SLITRK3: variants seen among roughly 807,000 people sequenced by gnomAD.
SLITRK3 encodes the protein SLIT and NTRK like family member 3, also known as SLIT and NTRK-like protein 3.
SLITRK3 carries 16 observed loss-of-function variants against 63.6 expected under a neutral mutation model. The ratio of observed to expected loss-of-function variants is 0.25; its 90% CI spans 0.17 to 0.38. The LOEUF is 0.38. Ranked by LOEUF, SLITRK3 falls within the 10% of genes least tolerant of loss-of-function variation. The pLI is 1.00. For missense variants in SLITRK3, 1,117 were observed against 1,181.4 expected (o/e 0.95, Z 0.80); for synonymous variants, 547 against 451.6 (o/e 1.21, Z -2.68).
Position 165,195,598 on chromosome 3 carries a change from A to G in SLITRK3, c.-40T>C, listed in dbSNP as rs946738633. ...CGAGTACCTATGGTGCAGAGCGCTC[A>G]GGATCTCCGAGGTTTGCTGCGAGGG... On this transcript the variant is annotated 5_prime_UTR_variant, in exon 1 of 2. Coordinates refer to ENST00000475390, the MANE Select transcript of SLITRK3 (RefSeq NM_001318810.2). 1 of 152,388 alleles carries G rather than the reference A, an allele frequency of 6.6e-6. No individual in the cohort carries two copies. The highest frequency in any genetic ancestry group is 6.5e-5 in the Admixed American group (1 of 15,292). 9.4% of individuals were successfully genotyped at this position (152,388 alleles called of 1,614,324 possible). A position where few individuals can be genotyped will look rare whatever the true frequency, so the allele number is the denominator to read the frequency against.
chr3:165,192,740 C>T (rs972141044), intron 1 of SLITRK3, among the ~76,000 whole-genome samples: 3 of 150,634 alleles, frequency 2.0e-5, no homozygotes, highest in Admixed American at 6.6e-5. Context: ...ATGCAATGGG[C>T]TCTTCAATGG....
At position 165,189,628 on chromosome 3, in the gene SLITRK3, A is replaced by G. The variant is rs1362124435; in HGVS notation, c.1203T>C (p.Ser401=). 6.2e-7 allele frequency: 1 copy of G among 1,614,124 alleles called. No individual in the cohort carries two copies. The highest frequency in any genetic ancestry group is 2.2e-5 in the East Asian group (1 of 44,888). The part of the protein sequence containing the change: ...NCKERGFNNI[S]ELLPRPLNAK... The stretch of plus-strand genomic sequence containing the variant: ...CATTCAAGGGCCTTGGAAGAAGTTC[A>G]GAAATGTTATTAAATCCTCGCTCTT... Residue 401 remains serine (S), a synonymous_variant, in exon 2 of 2, where the codon TCT becomes TCC. Coordinates refer to ENST00000475390, the MANE Select transcript of SLITRK3 (RefSeq NM_001318810.2). The surrounding 1 kb of genome is among the most constrained non-coding windows in gnomAD (Gnocchi z 4.0).
rs755199178 is a variant in SLITRK3, at chr3:165,189,401, C to T, written c.1430G>A (p.Arg477Gln). Residue 477 changes from arginine to glutamine, a missense_variant, in exon 2 of 2, where the codon CGA becomes CAA. Arg to Gln is a conservative substitution (Grantham distance 43, BLOSUM62 1). Transcript: ENST00000475390. This position sits in a 1 kb window ranked among gnomAD's most constrained non-coding sequence, Gnocchi z 4.0. ...DIEKLTPGMF[R>Q]GLQSLHYLYF... is the part of the protein sequence containing the mutation. ...CAAGTAGTGCAAACTCTGTAGGCCT[C>T]GGAACATGCCTGGTGTCAGCTTCTC... 2.6e-5 allele frequency: 42 copies of T among 1,613,540 alleles called. No homozygotes were observed. Among genetic ancestry groups the T allele is most frequent in the Admixed American group, 3.3e-5 (2 of 59,996 alleles).
At chr3:165,194,454 C>G (rs1718347059) in intron 1 of SLITRK3, among the ~76,000 whole-genome samples, 1 of 152,136 alleles carries the variant, frequency 6.6e-6, no homozygotes, top group African/African-American at 2.4e-5. Flanking sequence ...CCACCATACA[C>G]TAAGTAAGCA....
Position 165,187,873 on chromosome 3 carries a change from C to G in SLITRK3, c.*24G>C, listed in dbSNP as rs766690091. The G allele has an allele frequency of 4.7e-6, 7 of 1,496,928 alleles. No homozygotes were observed. Among genetic ancestry groups the G allele is most frequent in the Non-Finnish European group, 9.0e-7 (1 of 1,107,684 alleles). 92.7% of individuals were successfully genotyped at this position (1,496,928 alleles called of 1,614,324 possible). On this transcript the variant is annotated 3_prime_UTR_variant, in exon 2 of 2. Coordinates refer to ENST00000475390, the MANE Select transcript of SLITRK3 (RefSeq NM_001318810.2). The stretch of plus-strand genomic sequence containing the variant: ...TCCTTTTCTTTTGAAAAAAAAAAAG[C>G]ACTAATATATTTTCTTCTCTCTGTT...
rs1718032929 is a variant in SLITRK3, at chr3:165,188,206, C to T, written c.2625G>A (p.Gly875=). ...KNGGVVLFPP[G]GGCGSGSMLL... ...GCATACTGCCACTACCACAGCCTCC[C>T]CCAGGAGGAAACAGCACCACCCCAC... Residue 875 remains glycine (G), a synonymous_variant, in exon 2 of 2, where the codon GGG becomes GGA. Transcript: ENST00000475390. The T allele has an allele frequency of 6.2e-7, 1 of 1,613,790 alleles. No individual in the cohort carries two copies. Among genetic ancestry groups the T allele is most frequent in the Non-Finnish European group, 8.5e-7 (1 of 1,179,946 alleles).
At position 165,188,492 on chromosome 3, in the gene SLITRK3, G is replaced by A. The variant is rs193253945; in HGVS notation, c.2339C>T (p.Pro780Leu). 110 of 1,613,790 alleles carry A rather than the reference G, an allele frequency of 6.8e-5. No homozygotes were observed. The Admixed American group carries it at 1.8e-3, about 26-fold the overall frequency. Reference protein sequence around the residue: ...QEAGSAERGGPGTQPPGMGEA... With the variant: ...QEAGSAERGGLGTQPPGMGEA... ...ACCCATTCCCGGTGGTTGTGTCCCT[G>A]GACCCCCACGTTCTGCACTCCCTGC... Residue 780 changes from proline to leucine, a missense_variant, in exon 2 of 2, where the codon CCA becomes CTA. Physicochemically the swap from Pro to Leu is moderately conservative, Grantham distance 98. Transcript: ENST00000475390.
chr3:165,188,310 G>T lies in SLITRK3; in HGVS notation c.2521C>A (p.Pro841Thr). The T allele has an allele frequency of 6.2e-7, 1 of 1,613,992 alleles. No individual in the cohort carries two copies. The highest frequency in any genetic ancestry group is 8.5e-7 in the Non-Finnish European group (1 of 1,179,992). Residue 841 changes from proline to threonine, a missense_variant, in exon 2 of 2, where the codon CCA (proline) becomes ACA (threonine). Transcript: ENST00000475390. ...ACTCCTGAAACCCCACCAACTGCTG[G>T]GTGGTGAGGGTGATGGTGATTCACC... ...VTVNHHHPHH[P>T]AVGGVSGVVG...
rs780312673 is a variant in SLITRK3, at chr3:165,189,154, G to A, written c.1677C>T (p.Leu559=). The A allele has an allele frequency of 6.2e-7, 1 of 1,614,182 alleles. No individual in the cohort carries two copies. The highest frequency in any genetic ancestry group is 1.3e-5 in the African/African-American group (1 of 75,034). ...AGGTGCAGTCCCAAGGATTCTCATT[G>A]AGGTCTATCTGGACAATGGCATTCA... ...EHLNAIVQID[L]NENPWDCTCD... Residue 559 remains leucine (L), a synonymous_variant, in exon 2 of 2, where the codon CTC becomes CTT. Transcript: ENST00000475390. The surrounding 1 kb of genome is among the most constrained non-coding windows in gnomAD (Gnocchi z 4.0).
rs767216336 is a variant in SLITRK3, at chr3:165,188,133, C to T, written c.2698G>A (p.Val900Met). 2.5e-6 allele frequency: 4 copies of T among 1,613,424 alleles called. No individual in the cohort carries two copies. In the South Asian group the frequency reaches 3.3e-5, roughly 13 times the overall value. The change falls in exon 2 of 2, where the codon GTG becomes ATG. Residue 900 changes from valine (V) to methionine (M), a missense_variant. Around this residue, in one of 4 missense-constraint regions of SLITRK3, gnomAD observed 499 missense variants for 463.6 expected, o/e 1.08. Coordinates refer to ENST00000475390, the MANE Select transcript of SLITRK3 (RefSeq NM_001318810.2). ...PQPAPCTVGFVDCLYGTVPKL... is the reference protein window; with the variant it reads ...PQPAPCTVGFMDCLYGTVPKL... ...GGCACTGTTCCATAGAGACAGTCCA[C>T]AAATCCCACTGTGCAGGGGGCAGGC... is the stretch of plus-strand genomic sequence containing the variant.
intron 1 of SLITRK3, among the ~76,000 whole-genome samples, chr3:165,194,443 G>T (rs769847328): frequency 7.9e-5 from 12 of 152,052 alleles, no homozygotes; most frequent in Non-Finnish European, 1.5e-4. Context: ...TTAGAAACAT[G>T]CCACCATACA....
At position 165,190,073 on chromosome 3, in the gene SLITRK3, G is replaced by A; in HGVS notation, c.758C>T (p.Thr253Ile). Residue 253 changes from threonine (T) to isoleucine (I), a missense_variant, in exon 2 of 2, where the codon ACT (threonine) becomes ATT (isoleucine). Transcript: ENST00000475390. ...ACAGGTAATGTCTCCCACCAGGGCA[G>A]TATAAGGAATGCGTTCCAGCCAACT... is the stretch of plus-strand genomic sequence containing the variant. ...LKSWLERIPY[T>I]ALVGDITCET... 2 of 1,614,134 alleles carry A rather than the reference G, an allele frequency of 1.2e-6. No individual in the cohort carries two copies. Among genetic ancestry groups the A allele is most frequent in the Non-Finnish European group, 1.7e-6 (2 of 1,180,032 alleles).
Position 165,187,230 on chromosome 3 carries a change from G to C in SLITRK3, c.*667C>G, listed in dbSNP as rs1191825183. ...GTATGGAGTGTGTGTGTGTGTGTGT[G>C]TGTGTGTGTGTGTGTGTGTGTGTAC... On this transcript the variant is annotated 3_prime_UTR_variant, in exon 2 of 2. Transcript: ENST00000475390. 6.5e-6 allele frequency: 1 copy of C among 154,824 alleles called. No homozygotes were observed. Among genetic ancestry groups the C allele is most frequent in the Non-Finnish European group, 1.4e-5 (1 of 70,452 alleles). 9.6% of individuals were successfully genotyped at this position (154,824 alleles called of 1,614,324 possible).
chr3:165,188,871 A>G lies in SLITRK3; in HGVS notation c.1960T>C (p.Ser654Pro). The G allele has an allele frequency of 6.2e-7, 1 of 1,614,132 alleles. No individual in the cohort carries two copies. The highest frequency in any genetic ancestry group is 8.5e-7 in the Non-Finnish European group (1 of 1,180,010). Residue 654 changes from serine to proline, a missense_variant, in exon 2 of 2, where the codon TCT becomes CCT. Ser to Pro is a moderately conservative substitution (Grantham distance 74). Transcript: ENST00000475390. ...ACCAGCAGGCTGAGAATTAACACAG[A>G]AAGTGGCACAGGGCCCCCAGGAGGA... ...FSPPGGPVPL[S>P]VLILSLLVLF...
At position 165,189,309 on chromosome 3, in the gene SLITRK3, G is replaced by A; in HGVS notation, c.1522C>T (p.Leu508=). The change falls in exon 2 of 2, where the codon CTG becomes TTG. Residue 508 remains leucine (L), a synonymous_variant. Transcript: ENST00000475390. The surrounding 1 kb of genome is among the most constrained non-coding windows in gnomAD (Gnocchi z 4.0). ...AAFSLMPNLK[L]LFLNNNLLRT... ...AGTAAGTTATTATTGAGGAATAGCA[G>A]CTTCAAGTTGGGCATGAGGCTGAAG... is the stretch of plus-strand genomic sequence containing the variant. 6.2e-7 allele frequency: 1 copy of A among 1,614,200 alleles called. No homozygotes were observed. The highest frequency in any genetic ancestry group is 1.1e-5 in the South Asian group (1 of 91,088).
At position 165,188,458 on chromosome 3, in the gene SLITRK3, G is replaced by A. The variant is rs1245680877; in HGVS notation, c.2373C>T (p.Leu791=). The A allele has an allele frequency of 1.9e-6, 3 of 1,613,710 alleles. No homozygotes were observed. The highest frequency in any genetic ancestry group is 2.5e-6 in the Non-Finnish European group (3 of 1,179,956). ...TCTCAGCAAACTGCTCACTTCCTAGGAGAGCCTCACCCATTCCCGGTGGTT... is the reference window on the plus strand; with the variant it reads ...TCTCAGCAAACTGCTCACTTCCTAGAAGAGCCTCACCCATTCCCGGTGGTT... ...GTQPPGMGEA[L]LGSEQFAETP... The change falls in exon 2 of 2, where the codon CTC becomes CTT. Residue 791 remains leucine, a synonymous_variant. Coordinates refer to ENST00000475390, the MANE Select transcript of SLITRK3 (RefSeq NM_001318810.2).
At position 165,186,856 on chromosome 3, in the gene SLITRK3, G is replaced by A. The variant is rs1717971882; in HGVS notation, c.*1041C>T. The A allele has an allele frequency of 6.6e-6, 1 of 152,376 alleles. No individual in the cohort carries two copies. Among genetic ancestry groups the A allele is most frequent in the African/African-American group, 2.4e-5 (1 of 41,368 alleles). 9.4% of individuals were successfully genotyped at this position (152,376 alleles called of 1,614,324 possible). On this transcript the variant is annotated 3_prime_UTR_variant, in exon 2 of 2. Coordinates refer to ENST00000475390, the MANE Select transcript of SLITRK3 (RefSeq NM_001318810.2). The stretch of plus-strand genomic sequence containing the variant: ...ATATGCACATTTCTTTTGAATCTTT[G>A]TGTGTGAGAGAGAAAACATTAAAAG...
chr3:165,187,078 T>C lies in SLITRK3; in HGVS notation c.*819A>G, dbSNP rs1717979022. The C allele has an allele frequency of 6.6e-6, 1 of 152,620 alleles. No homozygotes were observed. Among genetic ancestry groups the C allele is most frequent in the Admixed American group, 6.6e-5 (1 of 15,258 alleles). 9.5% of individuals were successfully genotyped at this position (152,620 alleles called of 1,614,324 possible). ...TACTTCAGTAGAATCCAGCCTAGAA[T>C]GTGACTTTTCCCAGGGTGGTAGGAG... On this transcript the variant is annotated 3_prime_UTR_variant, in exon 2 of 2. Coordinates refer to ENST00000475390, the MANE Select transcript of SLITRK3 (RefSeq NM_001318810.2).
intron 1 of SLITRK3, among the ~76,000 whole-genome samples, chr3:165,195,013 T>C (rs1011378617): frequency 6.6e-6 from 1 of 152,114 alleles, no homozygotes; most frequent in African/African-American, 2.4e-5. Context: ...CTCCCTGCTG[T>C]GCCCCCTTCC....
Sources: allele counts gnomAD v4.1 joint callset (sites outside exome capture counted in the v4.1 genomes callset), GRCh38; gene constraint gnomAD v4.1.1; regional missense constraint gnomAD v4.1.1; non-coding constraint Gnocchi (gnomAD v3.1); transcripts MANE v1.5; gene names NCBI Gene and HGNC (gene_info 2026-07-23, HGNC 2026-07-21).